Variants in VIPR2 observed in about 807,000 individuals in gnomAD.
VIPR2 encodes vasoactive intestinal peptide receptor 2, also known as vasoactive intestinal polypeptide receptor 2.
A neutral mutation model predicts 58.0 loss-of-function variants in VIPR2; 48 were observed. The ratio of observed to expected loss-of-function variants is 0.83; its 90% CI spans 0.66 to 1.05. The LOEUF (loss-of-function observed/expected upper bound fraction) is 1.05, where lower values mean the gene tolerates loss of function less well. Ranked by LOEUF, VIPR2 falls within the 50% of genes least tolerant of loss-of-function variation. The pLI, the probability that VIPR2 is intolerant of heterozygous loss-of-function variation, is 0.00. For synonymous variants in VIPR2, 243 were observed against 235.2 expected (o/e 1.03, Z -0.30); for missense variants, 534 against 558.0 (o/e 0.96, Z 0.43).
At position 159,103,791 on chromosome 7, in the gene VIPR2, G is replaced by C; in HGVS notation, c.323C>G (p.Ala108Gly). The change falls in exon 4 of 13, where the codon GCC becomes GGC. Residue 108 changes from alanine (A) to glycine (G), a missense_variant. Coordinates refer to ENST00000262178, the MANE Select transcript of VIPR2 (RefSeq NM_003382.5). The part of the protein sequence containing the change: ...WSETFPDFVD[A>G]CGYSDPEDES... ...ATCCTCCGGGTCGCTGTAGCCACAG[G>C]CATCGACGAAATCTGGGAACGTCTC... 6.2e-7 allele frequency: 1 copy of C among 1,614,134 alleles called. No homozygotes were observed. The highest frequency in any genetic ancestry group is 8.5e-7 in the Non-Finnish European group (1 of 1,180,016).
chr7:159,073,832 T>A (rs907282248), intron 4 of VIPR2, among the ~76,000 whole-genome samples: 1 of 152,192 alleles, frequency 6.6e-6, no homozygotes, highest in Non-Finnish European at 1.5e-5. Context: ...ACACCTCTTC[T>A]GGGCTGTGGA....
In VIPR2 at chr7:159,109,895, ATGT is replaced by A. The variant is rs780279954; in HGVS notation, c.173_175del (p.Asn58del). ...CACATTGGCAGGCCGCCAGCACGTG[ATGT>A]TGTCCCAGACGCCACTGCAGGCTGG... On this transcript the variant is annotated inframe_deletion, in exon 3 of 13. Coordinates refer to ENST00000262178, the MANE Select transcript of VIPR2 (RefSeq NM_003382.5). 2 of 1,613,932 alleles carry A rather than the reference ATGT, an allele frequency of 1.2e-6. No individual in the cohort carries two copies. The highest frequency in any genetic ancestry group is 1.1e-5 in the South Asian group (1 of 91,086).
Position 159,029,379 on chromosome 7 carries a change from G to T in VIPR2, c.*1237C>A, listed in dbSNP as rs923843645. On this transcript the variant is annotated 3_prime_UTR_variant, in exon 13 of 13. Coordinates refer to ENST00000262178, the MANE Select transcript of VIPR2 (RefSeq NM_003382.5). Reference sequence around the variant, plus strand: ...ACCCTTCTGCAGCTGGCTCAGCAACGTCCCCAGACACCCTCCCCACATCTG... The same window carrying T: ...ACCCTTCTGCAGCTGGCTCAGCAACTTCCCCAGACACCCTCCCCACATCTG... 2.6e-5 allele frequency: 4 copies of T among 152,192 alleles called. No individual in the cohort carries two copies. Among genetic ancestry groups the T allele is most frequent in the Admixed American group, 2.6e-4 (4 of 15,274 alleles). 9.4% of individuals were successfully genotyped at this position (152,192 alleles called of 1,614,324 possible).
intron 2 of VIPR2, among the ~76,000 whole-genome samples, chr7:159,119,296 C>A (rs1796363757): frequency 6.6e-6 from 1 of 152,206 alleles, no homozygotes; most frequent in Admixed American, 6.5e-5. Context: ...CAGTTTGCTC[C>A]TCTGCAGAAC....
Position 159,030,543 on chromosome 7 carries a change from G to A in VIPR2, c.*73C>T. ...ACGGTGCTCGGGCATCTGGAAGGAGGAAGCCGGCGTCTCAGCCCCGCAGAA... is the reference window on the plus strand; with the variant it reads ...ACGGTGCTCGGGCATCTGGAAGGAGAAAGCCGGCGTCTCAGCCCCGCAGAA... On this transcript the variant is annotated 3_prime_UTR_variant, in exon 13 of 13. Transcript: ENST00000262178. The A allele has an allele frequency of 3.4e-6, 5 of 1,456,510 alleles. No individual in the cohort carries two copies. Among genetic ancestry groups the A allele is most frequent in the Non-Finnish European group, 4.5e-6 (5 of 1,100,542 alleles). The allele number at this position is 1,456,510 out of a possible 1,614,324, so 90.2% of individuals were successfully genotyped here.
At chr7:159,135,855 C>T (rs1391242262) in intron 2 of VIPR2, among the ~76,000 whole-genome samples, 2 of 152,126 alleles carry the variant, frequency 1.3e-5, no homozygotes, top group Non-Finnish European at 2.9e-5. Context: ...GATCAGCCAA[C>T]GCATCAGCAA....
At chr7:159,116,080 C>T (rs1362720072) in intron 2 of VIPR2, among the ~76,000 whole-genome samples, 1 of 152,206 alleles carries the variant, frequency 6.6e-6, no homozygotes, top group African/African-American at 2.4e-5. Flanking sequence ...CTCGGACTGA[C>T]AGGCTCTTCC....
At chr7:159,067,937 A>T (rs886777912) in intron 4 of VIPR2, among the ~76,000 whole-genome samples, 2 of 152,252 alleles carry the variant, frequency 1.3e-5, no homozygotes, top group African/African-American at 4.8e-5. Flanking sequence ...TCAGGGCAGG[A>T]AGGGCAGGTG....
intron 2 of VIPR2, among the ~76,000 whole-genome samples, chr7:159,123,434 G>T (rs1585544760): frequency 1.3e-5 from 2 of 150,836 alleles, no homozygotes; most frequent in Admixed American, 1.3e-4. Context: ...GCATTAGTTT[G>T]TTAAGGAAAC....
In VIPR2 at chr7:159,144,610, C is replaced by G. The variant is rs1480895878; in HGVS notation, c.51+111G>C. 3.6e-6 allele frequency: 5 copies of G among 1,386,216 alleles called. No homozygotes were observed. The South Asian group carries it at 8.1e-5, about 22-fold the overall frequency. The allele number at this position is 1,386,216 out of a possible 1,614,324, so 85.9% of individuals were successfully genotyped here. The stretch of plus-strand genomic sequence containing the variant: ...CCCCGCTCCCTCTCCCGGACCCCGC[C>G]CGCGCTCCAGCACCCGGGAGGAAGG... On this transcript the variant is annotated intron_variant, in intron 1 of 12. Coordinates refer to ENST00000262178, the MANE Select transcript of VIPR2 (RefSeq NM_003382.5).
intron 8 of VIPR2, chr7:159,035,646 G>A (rs1225289465): frequency 1.0e-6 from 1 of 976,058 alleles, no homozygotes; most frequent in African/African-American, 1.8e-5. Context: ...AGGGCACTTG[G>A]CTTTCTTCTG....
intron 4 of VIPR2, among the ~76,000 whole-genome samples, chr7:159,077,600 A>G (rs11766869): frequency 9.7e-5 from 13 of 133,492 alleles, no homozygotes; most frequent in African/African-American, 3.6e-4. Context: ...ACTACAGTGT[A>G]CCTGTTATCA....
At chr7:159,135,031 A>T (rs13236306) in intron 2 of VIPR2, among the ~76,000 whole-genome samples, 83,724 of 103,382 alleles carry the variant, frequency 0.81, 32,730 homozygotes, top group Admixed American at 0.88. Context: ...TTTTTTTTTT[A>T]ACATTTTAAG....
At chr7:159,077,103 G>GCAGTTA (rs1210163078) in intron 4 of VIPR2, among the ~76,000 whole-genome samples, 4 of 152,216 alleles carry the variant, frequency 2.6e-5, no homozygotes, top group Non-Finnish European at 4.4e-5. Context: ...TATCCTTGAT[G>GCAGTTA]CAGTTACATA....
chr7:159,105,357 T>C (rs757522981), intron 3 of VIPR2, among the ~76,000 whole-genome samples: 74 of 152,044 alleles, frequency 4.9e-4, no homozygotes, highest in South Asian at 4.2e-4. Context: ...GCTTTGGATT[T>C]AGCAAATATT....
At chr7:159,131,796 A>AGG (rs1796923953) in intron 2 of VIPR2, among the ~76,000 whole-genome samples, 1 of 152,202 alleles carries the variant, frequency 6.6e-6, no homozygotes, top group Non-Finnish European at 1.5e-5. Context: ...CACCTGAAAA[A>AGG]TTCCTGAGCA....
At chr7:159,065,942 A>C (rs911110413) in intron 4 of VIPR2, among the ~76,000 whole-genome samples, 1 of 152,254 alleles carries the variant, frequency 6.6e-6, no homozygotes, top group African/African-American at 2.4e-5. Context: ...CAGAAAACGC[A>C]GGTGAAGCAA....
rs561191257 is a variant in VIPR2 at position 159,034,122 on chromosome 7, C to T, written c.971+91G>A. 150 of 1,328,558 alleles carry T rather than the reference C, an allele frequency of 1.1e-4. 1 individual carries two copies. Among genetic ancestry groups the T allele is most frequent in the Middle Eastern group, 2.1e-4 (1 of 4,854 alleles). 82.3% of individuals were successfully genotyped at this position (1,328,558 alleles called of 1,614,324 possible). A position where few individuals can be genotyped will look rare whatever the true frequency, so the allele number is the denominator to read the frequency against. ...GTGACAGTGGCGGAGGCGGAGTCGC[C>T]GCACCTCCAGGGCCTTCCTGGCAGC... On this transcript the variant is annotated intron_variant, in intron 10 of 12. Transcript: ENST00000262178.
chr7:159,083,665 G>A (rs1040393225), intron 4 of VIPR2, among the ~76,000 whole-genome samples: 5 of 152,316 alleles, frequency 3.3e-5, no homozygotes, highest in South Asian at 2.1e-4. Context: ...CCGTTCTCTC[G>A]AGAGAGGCCA....
Sources: gnomAD v4.1 joint callset for allele counts (sites outside exome capture counted in the v4.1 genomes callset) on GRCh38, gnomAD v4.1.1 for gene constraint, MANE v1.5 for transcripts, NCBI Gene and HGNC (gene_info 2026-07-23, HGNC 2026-07-21) for gene names.